Variants in SLC22A24 observed in about 807,000 individuals in gnomAD.
SLC22A24 encodes solute carrier family 22 member 24.
In SLC22A24, 53 loss-of-function variants were observed where a neutral mutation model predicts 49.8. That is an observed-to-expected ratio of 1.06 (90% CI 0.85 to 1.34). The LOEUF (loss-of-function observed/expected upper bound fraction) is 1.34, where lower values mean the gene tolerates loss of function less well. Ranked by LOEUF, SLC22A24 falls within the 40% of genes most tolerant of loss-of-function variation. The pLI is 0.00. For synonymous variants in SLC22A24, 302 were observed against 256.4 expected (o/e 1.18, Z -1.70); for missense variants, 786 against 675.9 (o/e 1.16, Z -1.81).
intron 5 of SLC22A24, among the ~76,000 whole-genome samples, chr11:63,101,351 GCTA>G (rs914673711): frequency 1.1e-4 from 16 of 151,360 alleles, no homozygotes; most frequent in African/African-American, 3.9e-4. Context: ...TTAAATTAAT[GCTA>G]CTCTTCAAAA....
intron 2 of SLC22A24, among the ~76,000 whole-genome samples, chr11:63,130,007 A>G (rs1456799894): frequency 6.6e-6 from 1 of 152,142 alleles, no homozygotes; most frequent in East Asian, 1.9e-4. Flanking sequence ...AACTTCCAAC[A>G]CTATGTTGAA....
chr11:63,123,383 A>G (rs1291914010), intron 2 of SLC22A24, among the ~76,000 whole-genome samples: 1 of 152,204 alleles, frequency 6.6e-6, no homozygotes, highest in Admixed American at 6.5e-5. Context: ...TCTACTTGAT[A>G]TCACTGGTCT....
intron 4 of SLC22A24, among the ~76,000 whole-genome samples, chr11:63,112,019 G>A (rs1042269905): frequency 4.0e-5 from 6 of 151,762 alleles, no homozygotes; most frequent in African/African-American, 1.2e-4. Context: ...ACACTGCTTT[G>A]AATGTGTCCC....
chr11:63,103,472 T>C (rs2087102945), intron 5 of SLC22A24, among the ~76,000 whole-genome samples: 1 of 152,158 alleles, frequency 6.6e-6, no homozygotes, highest in South Asian at 2.1e-4. Context: ...CTCTGACTTA[T>C]TTTCTTATCA....
At chr11:63,128,156 A>T (rs2087306002) in intron 2 of SLC22A24, among the ~76,000 whole-genome samples, 1 of 152,038 alleles carries the variant, frequency 6.6e-6, no homozygotes, top group African/African-American at 2.4e-5. Flanking sequence ...TATTATAATA[A>T]TCATCACTCT....
chr11:63,128,367 G>T (rs1379936094), intron 2 of SLC22A24, among the ~76,000 whole-genome samples: 1 of 147,046 alleles, frequency 6.8e-6, no homozygotes, highest in Non-Finnish European at 1.5e-5. Flanking sequence ...TAGCGTCAGT[G>T]CCTAGGAAAA....
chr11:63,136,513 C>A (rs1162415435), intron 1 of SLC22A24, among the ~76,000 whole-genome samples: 3 of 152,208 alleles, frequency 2.0e-5, no homozygotes, highest in Non-Finnish European at 1.5e-5. Context: ...ACCATATTCA[C>A]CTGACCTCTT....
intron 6 of SLC22A24, among the ~76,000 whole-genome samples, chr11:63,091,211 G>T (rs889198583): frequency 5.9e-5 from 9 of 152,136 alleles, no homozygotes; most frequent in Non-Finnish European, 1.0e-4. Context: ...TTAGGAAGAA[G>T]TCAAATCCCT....
chr11:63,128,445 C>T (rs2087308669), intron 2 of SLC22A24, among the ~76,000 whole-genome samples: 1 of 152,080 alleles, frequency 6.6e-6, no homozygotes, highest in South Asian at 2.1e-4. Context: ...GAAGACTCTG[C>T]TCCACCACCT....
rs1565334410 is a variant in SLC22A24 at position 63,118,920 on chromosome 11, C to G, written c.822G>C (p.Leu274Phe). 1.3e-6 allele frequency: 2 copies of G among 1,551,990 alleles called. No individual in the cohort carries two copies. ...GTGGAGATTGTTCATACCAAGAGGA[C>G]AAGAAGAGGACAATTATGGGTGTAG... is the stretch of plus-strand genomic sequence containing the variant. ...TVSTPIIVLF[L>F]SSWKMVESAR... The change falls in exon 4 of 10, where the codon TTG becomes TTC. Residue 274 changes from leucine (L) to phenylalanine (F), a missense_variant. By Grantham distance (22) the Leu-to-Phe change is conservative. Transcript: ENST00000612278.
chr11:63,136,915 G>C (rs2087379393), intron 1 of SLC22A24, among the ~76,000 whole-genome samples: 1 of 152,198 alleles, frequency 6.6e-6, no homozygotes, highest in African/African-American at 2.4e-5. Context: ...ATAGTCATGG[G>C]GAGATGTCCC....
Position 63,118,613 on chromosome 11 carries a change from A to T in SLC22A24, c.830+299T>A. 5 of 553,074 alleles carry T rather than the reference A, an allele frequency of 9.0e-6. No homozygotes were observed. The South Asian group carries it at 1.3e-4, about 15-fold the overall frequency. 34.3% of individuals were successfully genotyped at this position (553,074 alleles called of 1,614,324 possible). A position where few individuals can be genotyped will look rare whatever the true frequency, so the allele number is the denominator to read the frequency against. ...AGCCCCCAAATTATCTCCATCACAT[A>T]ATATTCCAAAAGTTAGATAAATAAT... On this transcript the variant is annotated intron_variant, in intron 4 of 9. Transcript: ENST00000612278.
intron 2 of SLC22A24, among the ~76,000 whole-genome samples, chr11:63,130,011 T>C (rs920204487): frequency 6.6e-6 from 1 of 152,214 alleles, no homozygotes; most frequent in Non-Finnish European, 1.5e-5. Flanking sequence ...TCCAACACTA[T>C]GTTGAATAGG....
chr11:63,129,328 G>A (rs187332853), intron 2 of SLC22A24, among the ~76,000 whole-genome samples: 69 of 152,186 alleles, frequency 4.5e-4, no homozygotes, highest in Admixed American at 1.0e-3. Flanking sequence ...CTGTTCCATC[G>A]GTCTATATAT....
At position 63,104,196 on chromosome 11, in the gene SLC22A24, A is replaced by C. The variant is rs1245993964; in HGVS notation, c.933T>G (p.Thr311=). 1.0e-5 allele frequency: 16 copies of C among 1,550,114 alleles called. No homozygotes were observed. Among genetic ancestry groups the C allele is most frequent in the Non-Finnish European group, 1.3e-5 (15 of 1,146,858 alleles). ...RVAHINGKKN[T]EETLTTELVR... ...TCACCTCAGTGGTCAGTGTCTCTTC[A>C]GTATTCTTTTTTCCATTTATGTGTG... is the stretch of plus-strand genomic sequence containing the variant. The change falls in exon 5 of 10, where the codon ACT becomes ACG. Residue 311 remains threonine (T), a synonymous_variant. Coordinates refer to ENST00000612278, the MANE Select transcript of SLC22A24 (RefSeq NM_001136506.2).
At chr11:63,114,684 C>G (rs1167234011) in intron 4 of SLC22A24, among the ~76,000 whole-genome samples, 1 of 152,212 alleles carries the variant, frequency 6.6e-6, no homozygotes, top group Admixed American at 6.5e-5. Context: ...TTCTCCCCAT[C>G]TTTGTGGTTT....
chr11:63,138,960 G>A (rs148289695), intron 1 of SLC22A24, among the ~76,000 whole-genome samples: 148 of 152,256 alleles, frequency 9.7e-4, no homozygotes, highest in African/African-American at 3.2e-3. Flanking sequence ...AAAGCACCTA[G>A]GAGGTTACCT....
At chr11:63,111,939 G>T (rs1403057394) in intron 4 of SLC22A24, among the ~76,000 whole-genome samples, 1 of 151,820 alleles carries the variant, frequency 6.6e-6, no homozygotes, top group Admixed American at 6.6e-5. Flanking sequence ...TAATTGTGAT[G>T]TTAGGGTGTC....
At position 63,143,575 on chromosome 11, in the gene SLC22A24, T is replaced by C. The variant is rs781351131; in HGVS notation, c.205A>G (p.Lys69Glu). Residue 69 changes from lysine to glutamate, a missense_variant, in exon 1 of 10, where the codon AAG becomes GAG. Coordinates refer to ENST00000612278, the MANE Select transcript of SLC22A24 (RefSeq NM_001136506.2). ...VSDNDTGTLSKDDLLRISIPL... is the reference protein window; with the variant it reads ...VSDNDTGTLSEDDLLRISIPL... ...ATGGAGATTCTCAGGAGGTCATCCT[T>C]GCTGAGGGTCCCGGTATCATTGTCA... 9 of 1,571,320 alleles carry C rather than the reference T, an allele frequency of 5.7e-6. No individual in the cohort carries two copies. Among genetic ancestry groups the C allele is most frequent in the Admixed American group, 1.8e-5 (1 of 54,510 alleles).
Sources: allele counts gnomAD v4.1 joint callset (sites outside exome capture counted in the v4.1 genomes callset), GRCh38; gene constraint gnomAD v4.1.1; transcripts MANE v1.5; gene names NCBI Gene and HGNC (gene_info 2026-07-23, HGNC 2026-07-21).